NBAS: variants seen among roughly 807,000 people sequenced by gnomAD.
The protein encoded by NBAS is NAG/BC035112 fusion.
In NBAS, 219 loss-of-function variants were observed where a neutral mutation model predicts 302.5. The ratio of observed to expected loss-of-function variants is 0.72; its 90% CI spans 0.65 to 0.81. The LOEUF (loss-of-function observed/expected upper bound fraction) is 0.81. NBAS is among the 30% of genes least tolerant of loss of function. The pLI is 0.00. For missense variants in NBAS, 2,932 were observed against 2,841.6 expected (o/e 1.03, Z -0.72); for synonymous variants, 1,118 against 1,021.6 (o/e 1.09, Z -1.80).
the NBAS span, among the ~76,000 whole-genome samples, chr2:15,066,154 A>G: frequency 2.0e-5 from 3 of 152,218 alleles, no homozygotes; most frequent in African/African-American, 7.2e-5. Flanking sequence ...TTCAACAAAT[A>G]GTACTGGGAA....
At chr2:15,197,012 G>A (rs946261136) in intron 48 of NBAS, among the ~76,000 whole-genome samples, 1 of 152,054 alleles carries the variant, frequency 6.6e-6, no homozygotes, top group Non-Finnish European at 1.5e-5. Flanking sequence ...TAAAAAATAG[G>A]GCTTTTCAAA....
At chr2:14,781,595 G>C in the NBAS span, among the ~76,000 whole-genome samples, 1 of 151,994 alleles carries the variant, frequency 6.6e-6, no homozygotes, top group Non-Finnish European at 1.5e-5. Context: ...AGTGGTTCTC[G>C]ATCAGCATGG....
chr2:14,964,135 A>G, the NBAS span, among the ~76,000 whole-genome samples: 1 of 152,264 alleles, frequency 6.6e-6, no homozygotes, highest in South Asian at 2.1e-4. Context: ...AATGCCTGGC[A>G]TCCAATCAAA....
intron 20 of NBAS, 38 bp downstream of exon 20, chr2:15,461,649 A>T: frequency 8.4e-7 from 1 of 1,192,734 alleles, no homozygotes; most frequent in Non-Finnish European, 1.2e-6. Context: ...AGAGAGTGTT[A>T]ATAACCATAA....
chr2:15,536,539 T>C lies in NBAS; in HGVS notation c.526A>G (p.Ile176Val). Residue 176 changes from isoleucine to valine, a missense_variant, in exon 8 of 52, where the codon ATA (isoleucine) becomes GTA (valine). Physicochemically the swap from Ile to Val is conservative, Grantham distance 29 (BLOSUM62 3). Transcript: ENST00000281513. ...GCAATGGCATAGCTTAAGTCACCTA[T>C]AAAACTAGATGCCTACAGAAGAGGG... ...LFVISPASSF[I>V]GDLSYAIAGL... The C allele has an allele frequency of 1.2e-6, 2 of 1,606,928 alleles. No individual in the cohort carries two copies. The highest frequency in any genetic ancestry group is 1.7e-6 in the Non-Finnish European group (2 of 1,177,936).
intron 19 of NBAS, among the ~76,000 whole-genome samples, chr2:15,466,174 G>C (rs1313513334): frequency 6.6e-6 from 1 of 152,110 alleles, no homozygotes. Flanking sequence ...TTAGCAGGGT[G>C]GGGGAATCGA....
the NBAS span, among the ~76,000 whole-genome samples, chr2:15,045,195 GGGATCTAAAAATACAAT>G: frequency 6.6e-6 from 1 of 152,184 alleles, no homozygotes; most frequent in Non-Finnish European, 1.5e-5. Context: ...GCACTGTGCT[GGGATCTAAAAATACAAT>G]GCGACATGAT....
chr2:15,546,526 C>T (rs1345946738), intron 6 of NBAS, among the ~76,000 whole-genome samples: 1 of 151,956 alleles, frequency 6.6e-6, no homozygotes, highest in African/African-American at 2.4e-5. Context: ...GTCAGGATTT[C>T]GAGACCAGCC....
At chr2:15,556,072 T>C (rs1041641281) in intron 3 of NBAS, among the ~76,000 whole-genome samples, 2 of 152,116 alleles carry the variant, frequency 1.3e-5, no homozygotes, top group Non-Finnish European at 2.9e-5. Flanking sequence ...ATTGTAAATA[T>C]GCATACATAT....
the NBAS span, among the ~76,000 whole-genome samples, chr2:14,853,471 A>G: frequency 1.0e-5 from 1 of 97,376 alleles, no homozygotes; most frequent in Non-Finnish European, 2.0e-5. Flanking sequence ...TACACTGTTG[A>G]TGGGACTGTA....
intron 6 of NBAS, among the ~76,000 whole-genome samples, chr2:15,541,624 T>C (rs1254155551): frequency 6.6e-6 from 1 of 152,066 alleles, no homozygotes; most frequent in Non-Finnish European, 1.5e-5. Flanking sequence ...ATTAATTTTA[T>C]TAAAGCCTAA....
the NBAS span, among the ~76,000 whole-genome samples, chr2:14,829,169 G>A: frequency 1.6e-3 from 243 of 152,070 alleles, 1 homozygote; most frequent in Middle Eastern, 3.4e-3. Context: ...AATGGATAAC[G>A]TTAAGGTACG....
At chr2:15,410,001 T>G (rs772881076) in intron 25 of NBAS, among the ~76,000 whole-genome samples, 25 of 152,152 alleles carry the variant, frequency 1.6e-4, no homozygotes, top group Non-Finnish European at 3.5e-4. Context: ...TAGGCAAGCC[T>G]GTTGTTTGAC....
the NBAS span, among the ~76,000 whole-genome samples, chr2:15,030,125 G>A: frequency 6.6e-6 from 1 of 152,130 alleles, no homozygotes; most frequent in Non-Finnish European, 1.5e-5. Flanking sequence ...ATTAATTTAA[G>A]CAGCTGTCTG....
intron 25 of NBAS, among the ~76,000 whole-genome samples, chr2:15,406,688 C>T (rs955484355): frequency 1.3e-5 from 2 of 151,744 alleles, no homozygotes; most frequent in African/African-American, 2.4e-5. Context: ...TGTAAGAATT[C>T]CTAAAAATTA....
chr2:15,521,815 A>G (rs948744157), intron 9 of NBAS, among the ~76,000 whole-genome samples: 2 of 152,140 alleles, frequency 1.3e-5, no homozygotes, highest in Admixed American at 1.3e-4. Flanking sequence ...CCCACCATCT[A>G]TTTTTGTAAA....
the NBAS span, among the ~76,000 whole-genome samples, chr2:14,909,977 T>C: frequency 3.3e-5 from 5 of 152,178 alleles, no homozygotes; most frequent in Non-Finnish European, 5.9e-5. Flanking sequence ...TTCCTGCTAA[T>C]TAAAAACAGG....
chr2:15,555,548 T>C (rs1664606558), intron 3 of NBAS, among the ~76,000 whole-genome samples: 1 of 152,054 alleles, frequency 6.6e-6, no homozygotes, highest in African/African-American at 2.4e-5. Flanking sequence ...TTAAAAGAAC[T>C]TTTTTAAAAA....
chr2:15,291,730 C>T (rs1017465945), intron 41 of NBAS, among the ~76,000 whole-genome samples: 3 of 152,134 alleles, frequency 2.0e-5, no homozygotes, highest in Non-Finnish European at 2.9e-5. Context: ...AACAACAAGT[C>T]AATTGTATCT....
Sources: allele counts gnomAD v4.1 joint callset (sites outside exome capture counted in the v4.1 genomes callset), GRCh38; gene constraint gnomAD v4.1.1; transcripts MANE v1.5; gene names NCBI Gene and HGNC (gene_info 2026-07-23, HGNC 2026-07-21).